The following GCA variants were observed in gnomAD, a reference collection of about 807,000 sequenced individuals.
The protein encoded by GCA is grancalcin.
A neutral mutation model predicts 32.6 loss-of-function variants in GCA; 30 were observed. That is an observed-to-expected ratio of 0.92 (90% CI 0.69 to 1.25). The LOEUF (loss-of-function observed/expected upper bound fraction) is 1.25. Among genes scored for constraint, GCA ranks in the 50% most tolerant of loss-of-function variants. The pLI is 0.00. For missense variants in GCA, 291 were observed against 266.8 expected (o/e 1.09, Z -0.63); for synonymous variants, 102 against 84.6 (o/e 1.21, Z -1.13).
chr2:162,355,899 AT>A (rs1685243736), intron 3 of GCA, among the ~76,000 whole-genome samples: 1 of 151,998 alleles, frequency 6.6e-6, no homozygotes, highest in East Asian at 1.9e-4. Context: ...TAAAATGGAA[AT>A]TTTAGAATTT....
At chr2:162,352,687 G>A (rs146498074) in intron 3 of GCA, among the ~76,000 whole-genome samples, 1 of 151,800 alleles carries the variant, frequency 6.6e-6, no homozygotes, top group African/African-American at 2.4e-5. Flanking sequence ...TTTTTTTCAC[G>A]ATTGATTTTT....
At chr2:162,333,599 C>T (rs150417180) in intron 1 of GCA, among the ~76,000 whole-genome samples, 70 of 152,184 alleles carry the variant, frequency 4.6e-4, no homozygotes, top group Non-Finnish European at 8.1e-4. Context: ...TCTCAAGGGA[C>T]ATATTCATAC....
At chr2:162,358,351 G>A (rs1234096006) in intron 5 of GCA, among the ~76,000 whole-genome samples, 2 of 151,442 alleles carry the variant, frequency 1.3e-5, no homozygotes, top group Non-Finnish European at 3.0e-5. Context: ...AATAATACAT[G>A]TATAGAATTT....
chr2:162,363,801 C>CT (rs1316856941), downstream of GCA, among the ~76,000 whole-genome samples: 2 of 151,334 alleles, frequency 1.3e-5, no homozygotes, highest in East Asian at 1.9e-4. Flanking sequence ...CTTAGCATTC[C>CT]TTTTTTCCAA....
intron 1 of GCA, among the ~76,000 whole-genome samples, chr2:162,323,486 G>A (rs972835780): frequency 1.8e-4 from 27 of 151,864 alleles, no homozygotes; most frequent in Admixed American, 2.6e-4. Flanking sequence ...CCTTGCCCAT[G>A]CGTATGTCCT....
chr2:162,355,035 A>C (rs755063705), intron 3 of GCA, among the ~76,000 whole-genome samples: 1 of 152,210 alleles, frequency 6.6e-6, no homozygotes, highest in African/African-American at 2.4e-5. Flanking sequence ...TGCCAAGTTA[A>C]TTGTAAAGCA....
intron 4 of GCA, among the ~76,000 whole-genome samples, chr2:162,368,786 G>T (rs973150586): frequency 1.3e-5 from 2 of 151,880 alleles, no homozygotes; most frequent in Non-Finnish European, 2.9e-5. Context: ...TCCCAAATCT[G>T]CCCCCTGCCT....
upstream of GCA, among the ~76,000 whole-genome samples, chr2:162,342,557 A>C (rs977893273): frequency 4.6e-5 from 7 of 150,790 alleles, no homozygotes; most frequent in African/African-American, 1.7e-4. Context: ...GAAAGTCCTA[A>C]GAAGGCTGCT....
rs1388952564 is a variant in GCA at position 162,361,846 on chromosome 2, G to A, written c.*1603G>A. On this transcript the variant is annotated 3_prime_UTR_variant, in exon 8 of 8. Coordinates refer to ENST00000437150, the MANE Select transcript of GCA (RefSeq NM_012198.5). ...AGCAAATGTGAAAACACTAAGTGTC[G>A]TTCACATCGAATGGTGATAATGTCG... 3 of 982,020 alleles carry A rather than the reference G, an allele frequency of 3.1e-6. No individual in the cohort carries two copies. Among genetic ancestry groups the A allele is most frequent in the Admixed American group, 6.2e-5 (1 of 16,142 alleles). The allele number at this position is 982,020 out of a possible 1,614,324, so 60.8% of individuals were successfully genotyped here. A position where few individuals can be genotyped will look rare whatever the true frequency, so the allele number is the denominator to read the frequency against.
downstream of GCA, chr2:162,373,346 T>C: frequency 3.5e-6 from 2 of 573,020 alleles, no homozygotes; most frequent in Non-Finnish European, 5.6e-6. Flanking sequence ...AAATTCTATT[T>C]GAGTAGAAAC....
chr2:162,371,447 C>A, exon 5 of GCA: 1 of 1,274,410 alleles, frequency 7.8e-7, no homozygotes, highest in South Asian at 1.3e-5. Flanking sequence ...CATCCATGAA[C>A]AGTTTTATCC....
chr2:162,328,218 CAAAAAA>C (rs35156397), intron 1 of GCA, among the ~76,000 whole-genome samples: 3 of 90,074 alleles, frequency 3.3e-5, no homozygotes, highest in South Asian at 3.9e-4. Flanking sequence ...CTGTTTCTAC[CAAAAAA>C]AAAAAAAAAA....
chr2:162,332,181 C>A (rs944019338), intron 1 of GCA, among the ~76,000 whole-genome samples: 4 of 151,150 alleles, frequency 2.6e-5, no homozygotes, highest in Non-Finnish European at 4.4e-5. Flanking sequence ...TGGTGGCGGG[C>A]ACCTGTAGTC....
At chr2:162,349,146 G>A (rs767944786) in intron 2 of GCA, among the ~76,000 whole-genome samples, 1 of 151,924 alleles carries the variant, frequency 6.6e-6, no homozygotes, top group Non-Finnish European at 1.5e-5. Flanking sequence ...ATACTGAAGA[G>A]CCCAGAAGCT....
In GCA at chr2:162,360,958, A is replaced by T; in HGVS notation, c.*715A>T. The T allele has an allele frequency of 1.8e-6, 2 of 1,132,868 alleles. No homozygotes were observed. The highest frequency in any genetic ancestry group is 1.1e-6 in the Non-Finnish European group (1 of 922,500). The allele number at this position is 1,132,868 out of a possible 1,614,324, so 70.2% of individuals were successfully genotyped here. A position where few individuals can be genotyped will look rare whatever the true frequency, so the allele number is the denominator to read the frequency against. On this transcript the variant is annotated 3_prime_UTR_variant, in exon 8 of 8. Coordinates refer to ENST00000437150, the MANE Select transcript of GCA (RefSeq NM_012198.5). Reference sequence around the variant, plus strand: ...TGCGTCCTATTTCATTAGTGAAGACATAGTTCACCTAAAATGGCATCCTGC... The same window carrying T: ...TGCGTCCTATTTCATTAGTGAAGACTTAGTTCACCTAAAATGGCATCCTGC...
chr2:162,342,633 C>A (rs929593167), upstream of GCA, among the ~76,000 whole-genome samples: 5 of 152,196 alleles, frequency 3.3e-5, no homozygotes, highest in Non-Finnish European at 5.9e-5. Flanking sequence ...TGCAGAAAGG[C>A]AAGAAACCCA....
At chr2:162,343,964 C>G (rs989199048), upstream of GCA, 1 of 465,596 alleles carries the variant, frequency 2.1e-6, no homozygotes, top group African/African-American at 2.0e-5. Flanking sequence ...CTGGAGGGCT[C>G]CCGATGGGGT....
intron 1 of GCA, among the ~76,000 whole-genome samples, chr2:162,320,749 T>C (rs954015828): frequency 6.6e-6 from 1 of 152,202 alleles, no homozygotes; most frequent in African/African-American, 2.4e-5. Context: ...CTAGGTGCAG[T>C]TAATAAAATT....
At chr2:162,337,418 C>G (rs1022305829) in intron 1 of GCA, among the ~76,000 whole-genome samples, 17 of 152,200 alleles carry the variant, frequency 1.1e-4, no homozygotes, top group Non-Finnish European at 5.9e-5. Context: ...GACGCTGTAT[C>G]AGGCCTGATT....
Sources: allele counts gnomAD v4.1 joint callset (sites outside exome capture counted in the v4.1 genomes callset), GRCh38; gene constraint gnomAD v4.1.1; transcripts MANE v1.5; gene names NCBI Gene and HGNC (gene_info 2026-07-23, HGNC 2026-07-21).